LRP6: variants seen among roughly 807,000 people sequenced by gnomAD.
The protein encoded by LRP6 is LDL receptor related protein 6, also known as low-density lipoprotein receptor-related protein 6.
LRP6 carries 43 observed loss-of-function variants against 184.1 expected under a neutral mutation model. That is an observed-to-expected ratio of 0.23 (90% confidence interval 0.18 to 0.30). LRP6 has a LOEUF of 0.30. Ranked by LOEUF, LRP6 falls within the 10% of genes least tolerant of loss-of-function variation. The pLI is 1.00. For missense variants in LRP6, 1,571 were observed against 2,005.3 expected (o/e 0.78, Z 4.14); for synonymous variants, 719 against 684.9 (o/e 1.05, Z -0.78).
chr12:12,186,618 G>C (rs1863481705), intron 4 of LRP6, among the ~76,000 whole-genome samples: 1 of 148,096 alleles, frequency 6.8e-6, no homozygotes, highest in African/African-American at 2.5e-5. Flanking sequence ...GACCTCATAT[G>C]ATCTGCCTGC....
chr12:12,212,186 C>T (rs545860865), intron 2 of LRP6, among the ~76,000 whole-genome samples: 4 of 152,230 alleles, frequency 2.6e-5, no homozygotes, highest in African/African-American at 9.6e-5. Context: ...GTTGTATCCC[C>T]TATCCTAAAA....
chr12:12,171,053 G>C (rs1211785215), intron 7 of LRP6, among the ~76,000 whole-genome samples: 2 of 152,088 alleles, frequency 1.3e-5, no homozygotes, highest in Non-Finnish European at 2.9e-5. Context: ...CTGCAGTCTA[G>C]ATCAGCCATG....
chr12:12,184,828 A>G lies in LRP6; in HGVS notation c.845-717T>C, dbSNP rs181288873. The stretch of plus-strand genomic sequence containing the variant: ...GGGAAAATGAAAATCAGAGAAAACT[A>G]ATTAGCAAACTTTGGAAATTATGGA... On this transcript the variant is annotated intron_variant, in intron 4 of 22. Coordinates refer to ENST00000261349, the MANE Select transcript of LRP6 (RefSeq NM_002336.3). Among the ~76,000 whole-genome samples the G allele has an allele frequency of 2.0e-5, 3 of 152,318 alleles. No homozygotes were observed. The East Asian group carries it at 5.8e-4, about 29-fold the overall frequency.
intron 2 of LRP6, among the ~76,000 whole-genome samples, chr12:12,206,708 G>T (rs1864068657): frequency 6.6e-6 from 1 of 151,874 alleles, no homozygotes; most frequent in Non-Finnish European, 1.5e-5. Context: ...AGGAGTTCAA[G>T]AACAGCCTGA....
At position 12,262,513 on chromosome 12, in the gene LRP6, G is replaced by A. The variant is rs530803799; in HGVS notation, c.55+4168C>T. Among the ~76,000 whole-genome samples the A allele has an allele frequency of 1.4e-3, 216 of 150,908 alleles. 1 individual carries two copies. The highest frequency in any genetic ancestry group is 5.1e-3 in the African/African-American group (210 of 41,052). ...GCAGAGATTGCAGTGAGCCAAGATC[G>A]CGGCACTGCACTTCAGCCTGAGCGA... is the stretch of plus-strand genomic sequence containing the variant. On this transcript the variant is annotated intron_variant, in intron 1 of 22. Coordinates refer to ENST00000261349, the MANE Select transcript of LRP6 (RefSeq NM_002336.3).
intron 6 of LRP6, among the ~76,000 whole-genome samples, chr12:12,180,518 G>T (rs1006034164): frequency 2.6e-5 from 4 of 152,014 alleles, no homozygotes; most frequent in Non-Finnish European, 4.4e-5. Context: ...TAACAAAATT[G>T]TTGAGTATGT....
intron 2 of LRP6, among the ~76,000 whole-genome samples, chr12:12,209,701 A>T (rs1414898029): frequency 6.6e-6 from 1 of 152,232 alleles, no homozygotes; most frequent in African/African-American, 2.4e-5. Flanking sequence ...AGTTACCAAT[A>T]TATTATTCAA....
At chr12:12,173,677 A>G (rs1863103789) in intron 7 of LRP6, among the ~76,000 whole-genome samples, 2 of 151,966 alleles carry the variant, frequency 1.3e-5, no homozygotes, top group South Asian at 4.2e-4. Context: ...GGATCTCACT[A>G]TATTACCCAG....
At chr12:12,266,609 C>T in intron 1 of LRP6, 72 bp downstream of exon 1, 1 of 1,267,380 alleles carries the variant, frequency 7.9e-7, no homozygotes, top group Non-Finnish European at 1.1e-6. Flanking sequence ...CCCTCCCCTC[C>T]CCCTAGACAC....
At chr12:12,234,706 C>A (rs559729233) in intron 2 of LRP6, among the ~76,000 whole-genome samples, 1 of 151,272 alleles carries the variant, frequency 6.6e-6, no homozygotes, top group East Asian at 2.0e-4. Flanking sequence ...TGGCGCACAT[C>A]TGTTAATCCA....
intron 3 of LRP6, among the ~76,000 whole-genome samples, chr12:12,192,232 T>C (rs1032677056): frequency 2.6e-5 from 4 of 151,986 alleles, no homozygotes; most frequent in African/African-American, 9.7e-5. Flanking sequence ...AAAGTAGATT[T>C]TGACAAAATG....
chr12:12,188,137 G>A (rs1159244312), intron 3 of LRP6, among the ~76,000 whole-genome samples: 2 of 151,506 alleles, frequency 1.3e-5, no homozygotes, highest in African/African-American at 4.9e-5. Context: ...CTTGAATCCA[G>A]GAGGCGGAGG....
chr12:12,251,825 A>G (rs1865332410), intron 1 of LRP6, among the ~76,000 whole-genome samples: 1 of 152,078 alleles, frequency 6.6e-6, no homozygotes, highest in African/African-American at 2.4e-5. Context: ...ACACCCTTAA[A>G]AGGGTAAGGT....
At chr12:12,205,479 T>C (rs2137048457) in intron 2 of LRP6, among the ~76,000 whole-genome samples, 1 of 152,274 alleles carries the variant, frequency 6.6e-6, no homozygotes, top group East Asian at 1.9e-4. Flanking sequence ...ATGAATCTAC[T>C]TAATGCATAC....
intron 7 of LRP6, among the ~76,000 whole-genome samples, chr12:12,166,114 G>C (rs1027115642): frequency 6.6e-6 from 1 of 151,780 alleles, no homozygotes; most frequent in African/African-American, 2.4e-5. Flanking sequence ...ACCTTTTTTG[G>C]GGGGGTAGGA....
chr12:12,194,185 A>G (rs1460252145), intron 3 of LRP6, among the ~76,000 whole-genome samples: 2 of 152,064 alleles, frequency 1.3e-5, no homozygotes, highest in Non-Finnish European at 2.9e-5. Context: ...ATAGAAAGGA[A>G]CTTCCTCAAC....
intron 2 of LRP6, among the ~76,000 whole-genome samples, chr12:12,221,674 A>G (rs1864493317): frequency 6.6e-6 from 1 of 152,230 alleles, no homozygotes; most frequent in East Asian, 1.9e-4. Flanking sequence ...CACAGGGCTT[A>G]GAACCAGTGA....
chr12:12,145,662 C>T (rs1220778690), intron 15 of LRP6, among the ~76,000 whole-genome samples: 1 of 128,356 alleles, frequency 7.8e-6, no homozygotes, highest in African/African-American at 3.0e-5. Flanking sequence ...GTCTCGTTCT[C>T]GTTCCATAAC....
intron 22 of LRP6, among the ~76,000 whole-genome samples, chr12:12,123,031 C>A (rs1290469373): frequency 2.0e-5 from 3 of 148,910 alleles, no homozygotes; most frequent in Non-Finnish European, 3.0e-5. Flanking sequence ...CCAAATACTT[C>A]TATTTTCATG....
Sources: allele counts gnomAD v4.1 joint callset (sites outside exome capture counted in the v4.1 genomes callset), GRCh38; gene constraint gnomAD v4.1.1; transcripts MANE v1.5; gene names NCBI Gene and HGNC (gene_info 2026-07-23, HGNC 2026-07-21).